Variants in PRKN observed in about 807,000 individuals in gnomAD.
PRKN encodes E3 ubiquitin-protein ligase parkin.
In PRKN, 56 loss-of-function variants were observed where a neutral mutation model predicts 59.5. The ratio of observed to expected loss-of-function variants is 0.94; its 90% CI spans 0.76 to 1.18. The LOEUF is 1.18. Among genes scored for constraint, PRKN ranks in the 50% most tolerant of loss-of-function variants. PRKN has a pLI of 0.00. For missense variants in PRKN, 657 were observed against 596.4 expected (o/e 1.10, Z -1.06); for synonymous variants, 250 against 222.1 (o/e 1.13, Z -1.12).
chr6:161,370,994 C>G (rs1266474827), intron 10 of PRKN, among the ~76,000 whole-genome samples: 1 of 152,198 alleles, frequency 6.6e-6, no homozygotes, highest in Non-Finnish European at 1.5e-5. Context: ...GTGTGAGCAG[C>G]CCGCCTCCTG....
chr6:162,359,723 T>A (rs1458593276), intron 2 of PRKN, among the ~76,000 whole-genome samples: 1 of 152,094 alleles, frequency 6.6e-6, no homozygotes, highest in Non-Finnish European at 1.5e-5. Flanking sequence ...TGTTCAGTGG[T>A]CAAATACGTT....
At chr6:161,928,022 G>C (rs1377908020) in intron 6 of PRKN, among the ~76,000 whole-genome samples, 1 of 152,124 alleles carries the variant, frequency 6.6e-6, no homozygotes, top group African/African-American at 2.4e-5. Flanking sequence ...GGTACCCCTG[G>C]GAGACGGGGC....
chr6:161,555,405 T>G (rs1462741628), intron 8 of PRKN, among the ~76,000 whole-genome samples: 1 of 138,088 alleles, frequency 7.2e-6, no homozygotes, highest in Non-Finnish European at 1.6e-5. Flanking sequence ...GAGTTTTACC[T>G]TGTTCCTTTG....
At chr6:161,366,562 T>C (rs1286580067) in intron 10 of PRKN, among the ~76,000 whole-genome samples, 1 of 152,254 alleles carries the variant, frequency 6.6e-6, no homozygotes, top group Non-Finnish European at 1.5e-5. Context: ...TGAGTCCTTG[T>C]GGTCGAACTT....
intron 1 of PRKN, among the ~76,000 whole-genome samples, chr6:162,501,934 T>G (rs2128188111): frequency 6.6e-6 from 1 of 152,218 alleles, no homozygotes; most frequent in South Asian, 2.1e-4. Context: ...CATGATATAT[T>G]GATGTAATGT....
chr6:161,772,841 T>C (rs952676661), intron 7 of PRKN, among the ~76,000 whole-genome samples: 2 of 151,994 alleles, frequency 1.3e-5, no homozygotes, highest in Non-Finnish European at 1.5e-5. Flanking sequence ...AAAATAAGAA[T>C]GAAAAAACCT....
intron 4 of PRKN, among the ~76,000 whole-genome samples, chr6:162,062,145 G>C (rs1033583392): frequency 2.6e-5 from 4 of 152,188 alleles, no homozygotes; most frequent in African/African-American, 9.7e-5. Flanking sequence ...CATAGCAAAT[G>C]TAAACTGGAG....
At chr6:162,378,844 C>T (rs1044607097) in intron 2 of PRKN, among the ~76,000 whole-genome samples, 1 of 152,130 alleles carries the variant, frequency 6.6e-6, no homozygotes, top group Non-Finnish European at 1.5e-5. Flanking sequence ...TAAGATGATT[C>T]CTCAAAAATG....
chr6:162,699,221 T>C (rs1778068893), intron 1 of PRKN, among the ~76,000 whole-genome samples: 3 of 152,188 alleles, frequency 2.0e-5, no homozygotes, highest in African/African-American at 7.2e-5. Context: ...GTGGGGAAGC[T>C]ATTGAAGAAT....
intron 1 of PRKN, among the ~76,000 whole-genome samples, chr6:162,584,746 GTTTCTTTCTTTTCTTTCTCTTTTCTTT>G (rs1780939464): frequency 1.4e-4 from 20 of 141,870 alleles, no homozygotes; most frequent in African/African-American, 5.0e-4. Context: ...ACCTTTCTGG[GTTTCTTTCTTTTCTTTCTCTTTTCTTT>G]TCCTCTCCTC....
chr6:161,533,643 C>T lies in PRKN; in HGVS notation c.1083+15211G>A, dbSNP rs1412179005. 6.6e-6 allele frequency among the ~76,000 whole-genome samples: 1 copy of T among 152,100 alleles called. No homozygotes were observed. Among genetic ancestry groups the T allele is most frequent in the Non-Finnish European group, 1.5e-5 (1 of 68,034 alleles). ...TGGTCAAACCAATCTGTGAGCCCTA[C>T]GTAAATCAGACACTGCCTCCTCAAG... On this transcript the variant is annotated intron_variant, in intron 9 of 11. Transcript: ENST00000366898. The surrounding 1 kb of genome is among the most constrained non-coding windows in gnomAD (Gnocchi z 4.1).
intron 1 of PRKN, among the ~76,000 whole-genome samples, chr6:162,464,159 CATT>C (rs747484090): frequency 7.9e-5 from 12 of 152,204 alleles, no homozygotes; most frequent in Non-Finnish European, 1.2e-4. Flanking sequence ...AGAAATCAAT[CATT>C]GTTTACTTTT....
At chr6:161,743,254 C>T (rs1467556430) in intron 7 of PRKN, among the ~76,000 whole-genome samples, 2 of 108,366 alleles carry the variant, frequency 1.8e-5, no homozygotes, top group Admixed American at 1.4e-4. Flanking sequence ...CGGAGTCTCT[C>T]TGTCGCCCAG....
chr6:161,701,603 T>C (rs1288388445), intron 7 of PRKN, among the ~76,000 whole-genome samples: 2 of 152,182 alleles, frequency 1.3e-5, no homozygotes, highest in Non-Finnish European at 2.9e-5. Context: ...CTTTTCAGTG[T>C]CATAATCAAT....
intron 4 of PRKN, among the ~76,000 whole-genome samples, chr6:162,147,289 G>A (rs1018179981): frequency 6.8e-6 from 1 of 146,730 alleles, no homozygotes. Context: ...GCTGCAGTGA[G>A]CCAAGATTGT....
In PRKN at chr6:161,468,620, T is replaced by G. The variant is rs1343951622; in HGVS notation, c.1083+80234A>C. ...ACTCATATTTCAGGAAGGCTCAGAT[T>G]TAAGTGAAGGTGTCACCACAGTCTA... On this transcript the variant is annotated intron_variant, in intron 9 of 11. Coordinates refer to ENST00000366898, the MANE Select transcript of PRKN (RefSeq NM_004562.3). This position sits in a 1 kb window ranked among gnomAD's most constrained non-coding sequence, Gnocchi z 5.9. Among the ~76,000 whole-genome samples, 1 of 152,216 alleles carries G rather than the reference T, an allele frequency of 6.6e-6. No homozygotes were observed. The highest frequency in any genetic ancestry group is 2.4e-5 in the African/African-American group (1 of 41,464).
intron 6 of PRKN, among the ~76,000 whole-genome samples, chr6:161,911,519 C>G (rs573093507): frequency 6.6e-6 from 1 of 152,170 alleles, no homozygotes; most frequent in Non-Finnish European, 1.5e-5. Flanking sequence ...CGGAAAGCCA[C>G]CTTGTGTCCA....
At chr6:161,799,007 A>T (rs567920684) in intron 6 of PRKN, among the ~76,000 whole-genome samples, 2 of 152,220 alleles carry the variant, frequency 1.3e-5, no homozygotes, top group Admixed American at 1.3e-4. Flanking sequence ...TAGAGGCCAG[A>T]AAACTGGGAT....
chr6:162,294,710 A>G (rs1490307560), intron 2 of PRKN, among the ~76,000 whole-genome samples: 1 of 152,152 alleles, frequency 6.6e-6, no homozygotes, highest in African/African-American at 2.4e-5. Context: ...GAAGAAGATT[A>G]AGAAGAGAAT....
Sources: allele counts gnomAD v4.1 joint callset (sites outside exome capture counted in the v4.1 genomes callset), GRCh38; gene constraint gnomAD v4.1.1; non-coding constraint Gnocchi (gnomAD v3.1); transcripts MANE v1.5; gene names NCBI Gene and HGNC (gene_info 2026-07-23, HGNC 2026-07-21).